Variants in DAB1 observed in about 807,000 individuals in gnomAD.
The protein encoded by DAB1 is DAB adaptor protein 1, also known as disabled homolog 1.
A neutral mutation model predicts 64.6 loss-of-function variants in DAB1; 15 were observed. The ratio of observed to expected loss-of-function variants is 0.23; its 90% CI spans 0.16 to 0.36. The LOEUF is 0.36. DAB1 is among the 10% of genes least tolerant of loss of function. DAB1 has a pLI of 1.00. For missense variants in DAB1, 596 were observed against 706.7 expected (o/e 0.84, Z 1.78); for synonymous variants, 235 against 251.9 (o/e 0.93, Z 0.64).
chr1:57,565,825 TGAGA>T (rs1312055685), intron 7 of DAB1, among the ~76,000 whole-genome samples: 1 of 152,094 alleles, frequency 6.6e-6, no homozygotes, highest in African/African-American at 2.4e-5. Flanking sequence ...ACAATAATAA[TGAGA>T]GACTTTAACA....
At chr1:58,114,886 G>A (rs942988427) in intron 5 of DAB1, among the ~76,000 whole-genome samples, 12 of 152,036 alleles carry the variant, frequency 7.9e-5, no homozygotes, top group Non-Finnish European at 1.0e-4. Flanking sequence ...TCTGTGCCCC[G>A]CCCATCATTT....
At chr1:58,392,987 C>T (rs1048398903) in intron 3 of DAB1, among the ~76,000 whole-genome samples, 2 of 152,126 alleles carry the variant, frequency 1.3e-5, no homozygotes, top group African/African-American at 2.4e-5. Flanking sequence ...ATGTTGGGAT[C>T]GGTCAGAGTT....
chr1:57,895,712 T>C (rs1350365758), intron 5 of DAB1, among the ~76,000 whole-genome samples: 2 of 152,178 alleles, frequency 1.3e-5, no homozygotes, highest in Non-Finnish European at 2.9e-5. Flanking sequence ...TAATACTAAA[T>C]ACAGAGCTTC....
At chr1:58,442,523 T>C (rs1645022900) in intron 3 of DAB1, among the ~76,000 whole-genome samples, 1 of 152,216 alleles carries the variant, frequency 6.6e-6, no homozygotes, top group Non-Finnish European at 1.5e-5. Context: ...CTTAGCCAAA[T>C]GCCCAGTAGA....
chr1:57,283,082 G>A (rs1348208960), intron 2 of DAB1, among the ~76,000 whole-genome samples: 1 of 152,164 alleles, frequency 6.6e-6, no homozygotes, highest in African/African-American at 2.4e-5. Flanking sequence ...CAAGCCCCAT[G>A]ACCTGGGGCA....
chr1:57,941,387 G>C (rs997688286), intron 5 of DAB1, among the ~76,000 whole-genome samples: 1 of 152,080 alleles, frequency 6.6e-6, no homozygotes, highest in African/African-American at 2.4e-5. Flanking sequence ...TCACTTCTTT[G>C]GACTTCTGTT....
intron 6 of DAB1, among the ~76,000 whole-genome samples, chr1:57,753,602 G>A (rs1287111523): frequency 2.0e-5 from 3 of 152,154 alleles, no homozygotes; most frequent in Non-Finnish European, 4.4e-5. Context: ...AGGTGTCTGT[G>A]ACCTGGTAGA....
rs563984363 is a variant in DAB1, at chr1:57,759,065, C to T, written n.552-109400G>A. Among the ~76,000 whole-genome samples the T allele has an allele frequency of 5.9e-5, 9 of 152,000 alleles. No individual in the cohort carries two copies. In the South Asian group the frequency reaches 8.3e-4, roughly 14 times the overall value. ...TGCTGCTATTATGTTCAGACATCTC[C>T]GGAGGTGGAAGAAACTATGCTGTCT... On this transcript the variant is annotated intron_variant and non_coding_transcript_variant, in intron 6 of 20. Coordinates refer to the DAB1 transcript ENST00000485760.
intron 7 of DAB1, among the ~76,000 whole-genome samples, chr1:57,429,471 C>T (rs1209371508): frequency 5.9e-5 from 9 of 152,088 alleles, no homozygotes; most frequent in Admixed American, 5.2e-4. Context: ...GTTTCCTTTG[C>T]TATGAAAAAG....
At chr1:58,198,753 TG>T (rs1657832251) in intron 4 of DAB1, among the ~76,000 whole-genome samples, 1 of 152,196 alleles carries the variant, frequency 6.6e-6, no homozygotes, top group South Asian at 2.1e-4. Flanking sequence ...GCAGAACTTT[TG>T]TTTGTACTGT....
chr1:57,065,811 A>G (rs1650849981), intron 8 of DAB1, among the ~76,000 whole-genome samples: 1 of 152,182 alleles, frequency 6.6e-6, no homozygotes. Context: ...CAGTTGCCCC[A>G]TCTGCCCATT....
chr1:57,393,035 T>C (rs1570437087), intron 1 of DAB1, among the ~76,000 whole-genome samples: 1 of 152,322 alleles, frequency 6.6e-6, no homozygotes, highest in Non-Finnish European at 1.5e-5. Flanking sequence ...AAAATGTATT[T>C]TTTAAATGAA....
intron 1 of DAB1, among the ~76,000 whole-genome samples, chr1:57,866,841 C>T (rs1041170732): frequency 6.6e-6 from 1 of 152,094 alleles, no homozygotes; most frequent in African/African-American, 2.4e-5. Context: ...TTAAAGTCAT[C>T]GTATTTATGA....
At chr1:57,455,404 T>C (rs1686550628) in intron 7 of DAB1, among the ~76,000 whole-genome samples, 3 of 152,148 alleles carry the variant, frequency 2.0e-5, no homozygotes, top group South Asian at 4.1e-4. Flanking sequence ...TCTAAACTTG[T>C]AGAGTCTGAT....
chr1:57,223,369 G>A (rs1667028754), intron 2 of DAB1, among the ~76,000 whole-genome samples: 1 of 152,126 alleles, frequency 6.6e-6, no homozygotes, highest in Admixed American at 6.5e-5. Flanking sequence ...TGGTCCAGGG[G>A]TATGCAGCCC....
chr1:58,030,679 T>C (rs1646958455), intron 5 of DAB1, among the ~76,000 whole-genome samples: 1 of 152,214 alleles, frequency 6.6e-6, no homozygotes, highest in African/African-American at 2.4e-5. Context: ...TTTCCTCTAT[T>C]CACCTTTGTA....
intron 2 of DAB1, among the ~76,000 whole-genome samples, chr1:58,520,103 G>T (rs1255204121): frequency 6.6e-6 from 1 of 152,108 alleles, no homozygotes; most frequent in Non-Finnish European, 1.5e-5. Flanking sequence ...CAGAGGGAAG[G>T]GGGAAGGAGG....
At chr1:57,568,703 A>G (rs1645154377) in intron 7 of DAB1, among the ~76,000 whole-genome samples, 1 of 152,204 alleles carries the variant, frequency 6.6e-6, no homozygotes, top group South Asian at 2.1e-4. Context: ...GCCATCAGAG[A>G]AATGCAAATC....
At chr1:57,656,021 T>C (rs950014388) in intron 6 of DAB1, among the ~76,000 whole-genome samples, 1 of 152,140 alleles carries the variant, frequency 6.6e-6, no homozygotes, top group Admixed American at 6.5e-5. Flanking sequence ...GTGGGGACTT[T>C]AGGAGGTGAT....
Sources: allele counts gnomAD v4.1 joint callset (sites outside exome capture counted in the v4.1 genomes callset), GRCh38; gene constraint gnomAD v4.1.1; transcripts MANE v1.5; gene names NCBI Gene and HGNC (gene_info 2026-07-23, HGNC 2026-07-21).